CD300A: variants seen among roughly 807,000 people sequenced by gnomAD.
CD300A encodes CMRF35-like molecule 8.
A neutral mutation model predicts 33.6 loss-of-function variants in CD300A; 22 were observed. That is an observed-to-expected ratio of 0.66 (90% CI 0.47 to 0.94). The LOEUF (loss-of-function observed/expected upper bound fraction) is 0.94, where lower values mean the gene tolerates loss of function less well. CD300A is among the 40% of genes least tolerant of loss of function. The pLI is 0.00. For synonymous variants in CD300A, 136 were observed against 148.1 expected, an observed-to-expected ratio of 0.92 and a Z score of 0.59; for missense variants, 326 against 360.5, an observed-to-expected ratio of 0.90 and a Z score of 0.77.
Position 74,473,766 on chromosome 17 carries a change from G to A in CD300A, c.271G>A (p.Glu91Lys). The A allele has an allele frequency of 6.2e-7, 1 of 1,614,274 alleles. No homozygotes were observed. The change falls in exon 2 of 7, where the codon GAG becomes AAG. Residue 91 changes from glutamate to lysine, a missense_variant. Coordinates refer to ENST00000360141, the MANE Select transcript of CD300A (RefSeq NM_007261.4). ...AAACCTCAGCTTCACAGTGACCCTG[G>A]AGAATCTCACAGAGGAGGATGCAGG... ...PANLSFTVTL[E>K]NLTEEDAGTY... is the part of the protein sequence containing the mutation.
intron 2 of CD300A, 36 bp downstream of exon 2, chr17:74,473,910 C>G: frequency 6.3e-7 from 1 of 1,591,118 alleles, no homozygotes; most frequent in South Asian, 1.1e-5. Context: ...TAAATAGGCT[C>G]AGGTTGGAAT....
chr17:74,482,738 T>C (rs977900799), intron 6 of CD300A, among the ~76,000 whole-genome samples: 3 of 124,078 alleles, frequency 2.4e-5, no homozygotes, highest in African/African-American at 9.4e-5. Context: ...TTCTTTGGAA[T>C]CTCGCTCTAT....
At chr17:74,473,938 G>C in intron 2 of CD300A, 64 bp downstream of exon 2, 1 of 1,544,282 alleles carries the variant, frequency 6.5e-7, no homozygotes, top group Non-Finnish European at 8.8e-7. Flanking sequence ...GCAGGAATCA[G>C]ATCAGAGACG....
chr17:74,481,303 G>T lies in CD300A; in HGVS notation c.643G>T (p.Glu215Ter). 1 of 1,613,982 alleles carries T rather than the reference G, an allele frequency of 6.2e-7. No individual in the cohort carries two copies. Among genetic ancestry groups the T allele is most frequent in the Non-Finnish European group, 8.5e-7 (1 of 1,179,994 alleles). The change falls in exon 5 of 7, where the codon GAG (glutamate) becomes TAG (stop). Residue 215 changes from glutamate (E) to a stop codon, truncating the protein, a stop_gained. Transcript: ENST00000360141. LOFTEE classifies it high-confidence loss of function. ...CTTGTCTCTAGCTGGTGACCATTCAGAGCTGTCCCAGAACCCCAAGCAGGT... is the reference window on the plus strand; with the variant it reads ...CTTGTCTCTAGCTGGTGACCATTCATAGCTGTCCCAGAACCCCAAGCAGGT... ...QKWIKAGDHS[E>*]LSQNPKQAAT...
At chr17:74,469,643 GGTGAAACCCCGT>G (rs1466571325) in intron 1 of CD300A, among the ~76,000 whole-genome samples, 1 of 152,146 alleles carries the variant, frequency 6.6e-6, no homozygotes, top group Non-Finnish European at 1.5e-5. Flanking sequence ...TGGCCAACAT[GGTGAAACCCCGT>G]GTCTCCTAAA....
chr17:74,480,222 T>C lies in CD300A; in HGVS notation c.629-1067T>C, dbSNP rs1001190930. Among the ~76,000 whole-genome samples the C allele has an allele frequency of 2.0e-5, 3 of 152,250 alleles. No homozygotes were observed. ...CTGTGGCTCAGCAAGCCCGTCACTA[T>C]ACGTGGTCTTGTGTCTCCCAACCGT... is the stretch of plus-strand genomic sequence containing the variant. On this transcript the variant is annotated intron_variant, in intron 4 of 6. Coordinates refer to ENST00000360141, the MANE Select transcript of CD300A (RefSeq NM_007261.4). The surrounding 1 kb of genome is among the most constrained non-coding windows in gnomAD (Gnocchi z 4.2).
chr17:74,477,030 ACTGT>A (rs1368410836), intron 3 of CD300A, among the ~76,000 whole-genome samples: 2 of 152,092 alleles, frequency 1.3e-5, no homozygotes, highest in Non-Finnish European at 2.9e-5. Flanking sequence ...GGGGCTTTAT[ACTGT>A]CTATTTTTTT....
chr17:74,480,284 A>C lies in CD300A; in HGVS notation c.629-1005A>C, dbSNP rs1256039883. 6.6e-6 allele frequency among the ~76,000 whole-genome samples: 1 copy of C among 152,126 alleles called. No homozygotes were observed. The highest frequency in any genetic ancestry group is 1.5e-5 in the Non-Finnish European group (1 of 67,986). ...CTTTAATTCTGGGGGAGGAGCCCAC[A>C]GATCCCCACAGCATCCAGTGCAGTG... is the stretch of plus-strand genomic sequence containing the variant. On this transcript the variant is annotated intron_variant, in intron 4 of 6. Transcript: ENST00000360141. The surrounding 1 kb of genome is among the most constrained non-coding windows in gnomAD (Gnocchi z 4.2).
chr17:74,468,952 A>AATT lies in CD300A; in HGVS notation c.40+2224_40+2226dup, dbSNP rs141787246. 8.6e-5 allele frequency among the ~76,000 whole-genome samples: 13 copies of AATT among 151,970 alleles called. 1 individual carries two copies. The highest frequency in any genetic ancestry group is 3.2e-3 in the Middle Eastern group (1 of 316). On this transcript the variant is annotated intron_variant, in intron 1 of 6. Transcript: ENST00000360141. ...AAATACCATTTTTATTATTTATAGA[A>AATT]ATTATTATTATTATTATCCTTTCAG... is the stretch of plus-strand genomic sequence containing the variant.
chr17:74,482,876 ATT>A (rs1907003576), intron 6 of CD300A, among the ~76,000 whole-genome samples: 1 of 151,068 alleles, frequency 6.6e-6, no homozygotes, highest in South Asian at 2.1e-4. Flanking sequence ...ACACTGGCTG[ATT>A]TTTGTATTTT....
At chr17:74,470,272 T>A (rs1011673915) in intron 1 of CD300A, 7 of 967,520 alleles carry the variant, frequency 7.2e-6, no homozygotes, top group African/African-American at 2.0e-5. Flanking sequence ...GAGGGTTTTC[T>A]GACACTTCGC....
At chr17:74,483,364 C>CTT (rs112316749) in intron 6 of CD300A, among the ~76,000 whole-genome samples, 1,406 of 139,480 alleles carry the variant, frequency 0.01, 33 homozygotes, top group South Asian at 0.058. Context: ...TTCTTTTTTT[C>CTT]TTTTTTTTTT....
rs72844392 is a variant in CD300A, at chr17:74,480,423, G to A, written c.629-866G>A. Among the ~76,000 whole-genome samples the A allele has an allele frequency of 4.7e-3, 716 of 152,270 alleles. 1 individual carries two copies. Among genetic ancestry groups the A allele is most frequent in the Non-Finnish European group, 5.2e-3 (352 of 68,008 alleles). ...TGAAAGGGTTAGGGTGTACAGGGCT[G>A]TGCTCATAGGCAGCACCCTTATAGA... On this transcript the variant is annotated intron_variant, in intron 4 of 6. Transcript: ENST00000360141. This position sits in a 1 kb window ranked among gnomAD's most constrained non-coding sequence, Gnocchi z 4.2.
intron 6 of CD300A, 77 bp downstream of exon 6, chr17:74,481,910 G>A (rs1906883930): frequency 9.9e-7 from 1 of 1,013,336 alleles, no homozygotes; most frequent in Non-Finnish European, 1.5e-6. Flanking sequence ...TGGGCAGAAG[G>A]GGAAGGAAGG....
chr17:74,474,018 G>GAGAGACCCCCTGACTGT, intron 2 of CD300A, 144 bp downstream of exon 2: 1 of 905,910 alleles, frequency 1.1e-6, no homozygotes, highest in Non-Finnish European at 1.6e-6. Context: ...ACACAGTCAG[G>GAGAGACCCCCTGACTGT]GGGTCTCTCC....
At chr17:74,475,833 C>A (rs908764088) in intron 3 of CD300A, among the ~76,000 whole-genome samples, 2 of 152,200 alleles carry the variant, frequency 1.3e-5, no homozygotes, top group African/African-American at 4.8e-5. Flanking sequence ...AGGACCCCCC[C>A]AGGTTCAATA....
intron 4 of CD300A, among the ~76,000 whole-genome samples, chr17:74,477,827 G>T (rs1325228831): frequency 6.6e-6 from 1 of 152,102 alleles, no homozygotes; most frequent in Non-Finnish European, 1.5e-5. Flanking sequence ...GGTGTGCTGG[G>T]TGCAGTGGTG....
chr17:74,482,418 T>C (rs1217930637), intron 6 of CD300A, among the ~76,000 whole-genome samples: 1 of 150,662 alleles, frequency 6.6e-6, no homozygotes, highest in African/African-American at 2.5e-5. Flanking sequence ...AGTCGTGTGG[T>C]GCCATGGAGG....
Position 74,477,903 on chromosome 17 carries a change from G to A in CD300A, c.628+373G>A, listed in dbSNP as rs564545470. Among the ~76,000 whole-genome samples the A allele has an allele frequency of 2.6e-5, 4 of 152,204 alleles. No homozygotes were observed. In the East Asian group the frequency reaches 7.8e-4, roughly 30 times the overall value. On this transcript the variant is annotated intron_variant, in intron 4 of 6. Coordinates refer to ENST00000360141, the MANE Select transcript of CD300A (RefSeq NM_007261.4). ...GGATTGCTTGATCCCAGGAATTCAA[G>A]ACCAGCCTGCGCAACACAACAAGGC...
Sources: gnomAD v4.1 joint callset for allele counts (sites outside exome capture counted in the v4.1 genomes callset) on GRCh38, gnomAD v4.1.1 for gene constraint, Gnocchi (gnomAD v3.1) non-coding constraint, MANE v1.5 for transcripts, NCBI Gene and HGNC (gene_info 2026-07-23, HGNC 2026-07-21) for gene names.